The following DACH2 variants were observed in gnomAD, a reference collection of about 807,000 sequenced individuals.
The protein encoded by DACH2 is dachshund family transcription factor 2, also known as dachshund homolog 2.
In DACH2, 17 loss-of-function variants were observed where a neutral mutation model predicts 35.8. That is an observed-to-expected ratio of 0.48 (90% confidence interval 0.33 to 0.71). The LOEUF (loss-of-function observed/expected upper bound fraction) is 0.71, where lower values mean the gene tolerates loss of function less well. DACH2 is among the 30% of genes least tolerant of loss of function. The pLI is 0.02. For synonymous variants in DACH2, 195 were observed against 177.3 expected, an observed-to-expected ratio of 1.10 and a Z score of -0.79; for missense variants, 469 against 472.7, an observed-to-expected ratio of 0.99 and a Z score of 0.07.
chrX:86,432,599 G>A (rs1374079008), intron 2 of DACH2, among the ~76,000 whole-genome samples: 1 of 111,943 alleles, frequency 8.9e-6, no homozygotes, highest in Non-Finnish European at 1.9e-5. Flanking sequence ...AATTTTGGTT[G>A]TTGGGCCAGA....
chrX:86,268,468 A>T (rs968118441), intron 1 of DACH2, among the ~76,000 whole-genome samples: 1 of 107,498 alleles, frequency 9.3e-6, no homozygotes, highest in Non-Finnish European at 1.9e-5. Context: ...CTTTTCAAAA[A>T]TTTTTTTCAT....
chrX:86,185,102 T>C (rs1472888385), intron 1 of DACH2, among the ~76,000 whole-genome samples: 1 of 111,756 alleles, frequency 8.9e-6, no homozygotes, highest in East Asian at 2.8e-4. Context: ...TGTTGAACTT[T>C]TAATATACTT....
At chrX:86,399,459 G>A (rs1338120173) in intron 2 of DACH2, among the ~76,000 whole-genome samples, 1 of 111,678 alleles carries the variant, frequency 9.0e-6, no homozygotes, top group African/African-American at 3.3e-5. Flanking sequence ...GTTAGTTGAT[G>A]CAGTTTCTTC....
chrX:86,574,482 A>C (rs2039411590), intron 3 of DACH2, among the ~76,000 whole-genome samples: 2 of 111,241 alleles, frequency 1.8e-5, no homozygotes, highest in African/African-American at 6.5e-5. Context: ...TCATATTAAG[A>C]AATGCATGTG....
intron 7 of DACH2, chrX:86,798,505 A>C (rs1245408916): frequency 1.8e-5 from 2 of 113,570 alleles, no homozygotes; most frequent in Non-Finnish European, 3.7e-5. Flanking sequence ...GAAGTGCTTC[A>C]TCTATGCAAC....
At chrX:86,178,910 C>G (rs1291855439) in intron 1 of DACH2, among the ~76,000 whole-genome samples, 3 of 111,606 alleles carry the variant, frequency 2.7e-5, no homozygotes, top group Non-Finnish European at 5.7e-5. Context: ...TAAAATGAAA[C>G]AGTTTTCAGA....
At chrX:86,804,068 C>A (rs1327837844) in intron 7 of DACH2, among the ~76,000 whole-genome samples, 1 of 111,883 alleles carries the variant, frequency 8.9e-6, no homozygotes, top group Non-Finnish European at 1.9e-5. Context: ...ATCTGGAATG[C>A]TTCAGACCAG....
chrX:86,695,217 C>G, intron 5 of DACH2, 38 bp downstream of exon 5: 1 of 950,285 alleles, frequency 1.1e-6, no homozygotes, highest in African/African-American at 2.0e-5. Context: ...GTGTGTTGAA[C>G]AAAATACTAT....
intron 3 of DACH2, among the ~76,000 whole-genome samples, chrX:86,528,307 G>GA (rs1253077818): frequency 9.0e-6 from 1 of 111,462 alleles, no homozygotes; most frequent in African/African-American, 3.3e-5. Flanking sequence ...TTTTGATCTG[G>GA]ATCACATTTA....
At chrX:86,406,225 C>A (rs1285739999) in intron 2 of DACH2, among the ~76,000 whole-genome samples, 1 of 112,134 alleles carries the variant, frequency 8.9e-6, no homozygotes. Context: ...AGAATGAGAT[C>A]ATGTCCTTTG....
At chrX:86,231,865 C>T (rs1396365735) in intron 1 of DACH2, among the ~76,000 whole-genome samples, 1 of 111,823 alleles carries the variant, frequency 8.9e-6, no homozygotes, top group African/African-American at 3.2e-5. Context: ...CCCTGTGGTG[C>T]CAGGCAGGAA....
chrX:86,439,109 T>A (rs1187862801), intron 2 of DACH2, among the ~76,000 whole-genome samples: 2 of 112,353 alleles, frequency 1.8e-5, no homozygotes, highest in Non-Finnish European at 3.8e-5. Flanking sequence ...GGATGATATC[T>A]CATTGTGGTT....
chrX:86,169,577 C>T (rs1018548996), intron 1 of DACH2, among the ~76,000 whole-genome samples: 4 of 110,351 alleles, frequency 3.6e-5, no homozygotes, highest in Non-Finnish European at 7.6e-5. Context: ...TTCATTGTTT[C>T]GTATTCTCTT....
intron 5 of DACH2, among the ~76,000 whole-genome samples, chrX:86,711,635 C>A (rs928851808): frequency 1.8e-5 from 2 of 111,303 alleles, no homozygotes; most frequent in African/African-American, 6.5e-5. Flanking sequence ...TTTCAGAAAA[C>A]GTTTGACTTT....
chrX:86,339,470 G>C (rs1243518908), intron 1 of DACH2, among the ~76,000 whole-genome samples: 2 of 111,775 alleles, frequency 1.8e-5, no homozygotes, highest in Admixed American at 9.6e-5. Flanking sequence ...CCCTTACTAT[G>C]TGGCGGGCAC....
At chrX:86,446,075 C>A (rs2037268631) in intron 2 of DACH2, among the ~76,000 whole-genome samples, 1 of 110,850 alleles carries the variant, frequency 9.0e-6, no homozygotes, top group African/African-American at 3.3e-5. Context: ...TATTCTCTTG[C>A]TGAATTAATC....
At chrX:86,573,287 T>G (rs1426138136) in intron 3 of DACH2, among the ~76,000 whole-genome samples, 1 of 111,098 alleles carries the variant, frequency 9.0e-6, no homozygotes, top group Non-Finnish European at 1.9e-5. Context: ...TAGTTTTAAT[T>G]GGAGACAAGA....
At chrX:86,254,722 G>A (rs988883638) in intron 1 of DACH2, among the ~76,000 whole-genome samples, 83 of 86,449 alleles carry the variant, frequency 9.6e-4, no homozygotes, top group African/African-American at 3.3e-3. Context: ...AGGGAAAGAG[G>A]GAAAGCAAAT....
chrX:86,422,745 A>G (rs186950897), intron 2 of DACH2, among the ~76,000 whole-genome samples: 45 of 111,084 alleles, frequency 4.1e-4, no homozygotes, highest in Non-Finnish European at 7.0e-4. Flanking sequence ...CTGTTGTGCT[A>G]TCAAATACTA....
Sources: gnomAD v4.1 joint callset for allele counts (sites outside exome capture counted in the v4.1 genomes callset) on GRCh38, gnomAD v4.1.1 for gene constraint, MANE v1.5 for transcripts, NCBI Gene and HGNC (gene_info 2026-07-23, HGNC 2026-07-21) for gene names.